The following NRG1 variants were observed in gnomAD, a reference collection of about 807,000 sequenced individuals.
The protein encoded by NRG1 is pro-neuregulin-1, membrane-bound isoform.
Under a neutral mutation model 63.8 loss-of-function variants are expected in NRG1, and 18 were observed. That is an observed-to-expected ratio of 0.28 (90% CI 0.19 to 0.42). NRG1 has a LOEUF of 0.42. NRG1 is among the 10% of genes least tolerant of loss of function. NRG1 has a pLI of 1.00. For missense variants in NRG1, 762 were observed against 814.7 expected, an observed-to-expected ratio of 0.94 and a Z score of 0.79; for synonymous variants, 302 against 301.3, an observed-to-expected ratio of 1.00 and a Z score of -0.02.
At chr8:32,466,807 A>G (rs145518770) in intron 1 of NRG1, among the ~76,000 whole-genome samples, 118 of 152,236 alleles carry the variant, frequency 7.8e-4, no homozygotes, top group African/African-American at 2.7e-3. Flanking sequence ...TTTAAATCAG[A>G]AGTATTTGAC....
At chr8:32,591,446 A>G (rs1217041579) in intron 1 of NRG1, among the ~76,000 whole-genome samples, 2 of 152,096 alleles carry the variant, frequency 1.3e-5, no homozygotes, top group Middle Eastern at 3.2e-3. Flanking sequence ...GCCTCATTGC[A>G]TTGTAGATCA....
chr8:32,444,875 ATCAGT>A, intron 1 of NRG1, among the ~76,000 whole-genome samples: 1 of 152,332 alleles, frequency 6.6e-6, no homozygotes, highest in South Asian at 2.1e-4. Flanking sequence ...ATGGGACTGA[ATCAGT>A]TCAAAGAGCC....
rs1563770237 is a variant in NRG1 at position 32,614,355 on chromosome 8, G to C, written c.401-159G>C. The stretch of plus-strand genomic sequence containing the variant: ...AACTATCAATTTGGACTGTCTTTCT[G>C]CATTTCTCACTCTCTGTATGGTTAA... On this transcript the variant is annotated intron_variant, in intron 3 of 11. Coordinates refer to ENST00000356819, the Ensembl canonical transcript of NRG1. 3 of 549,212 alleles carry C rather than the reference G, an allele frequency of 5.5e-6. 1 individual carries two copies. In the African/African-American group the frequency reaches 5.6e-5, roughly 10 times the overall value. 34.0% of individuals were successfully genotyped at this position (549,212 alleles called of 1,614,324 possible).
chr8:32,666,492 G>C (rs1032131419), intron 5 of NRG1, among the ~76,000 whole-genome samples: 2 of 152,058 alleles, frequency 1.3e-5, no homozygotes, highest in African/African-American at 4.8e-5. Context: ...TTTCAAGAGG[G>C]GGAAAAAAAA....
intron 1 of NRG1, among the ~76,000 whole-genome samples, chr8:32,183,425 C>A (rs895298071): frequency 3.3e-5 from 5 of 152,058 alleles, no homozygotes; most frequent in African/African-American, 1.2e-4. Flanking sequence ...TTTTTCTGTT[C>A]AAGTCTTACA....
chr8:32,605,459 G>C, intron 2 of NRG1, 103 bp from the exon 3 acceptor site: 1 of 1,302,776 alleles, frequency 7.7e-7, no homozygotes, highest in South Asian at 1.2e-5. Context: ...GTATAAGGTG[G>C]GGAGAGGCAG....
rs551009682 is a variant in NRG1, at chr8:31,988,804, C to T, written c.37+349373C>T. Among the ~76,000 whole-genome samples the T allele has an allele frequency of 4.6e-5, 7 of 152,150 alleles. No individual in the cohort carries two copies. In the South Asian group the frequency reaches 1.2e-3, roughly 27 times the overall value. On this transcript the variant is annotated intron_variant, in intron 1 of 10. Transcript: ENST00000519301. ...CTGAGGGAATAAGTTAGCCTGTATA[C>T]TTGAGGTGCCTTAGATCCTATGCTT...
chr8:31,995,983 G>A (rs1251978573), intron 1 of NRG1, among the ~76,000 whole-genome samples: 8 of 151,300 alleles, frequency 5.3e-5, no homozygotes, highest in African/African-American at 1.9e-4. Flanking sequence ...CATGAAAGAC[G>A]GATTTCTTTT....
Position 32,739,462 on chromosome 8 carries a change from A to G in NRG1, c.633-3213A>G, listed in dbSNP as rs555863277. Among the ~76,000 whole-genome samples the G allele has an allele frequency of 5.0e-4, 76 of 152,298 alleles. 1 individual carries two copies. Among genetic ancestry groups the G allele is most frequent in the Non-Finnish European group, 4.0e-4 (27 of 68,022 alleles). On this transcript the variant is annotated intron_variant, in intron 6 of 11. Transcript: ENST00000356819. ...TAGTTCTGGTTGAGAGGTAGCTGCTATTTCCAAAAAATGACTTTCATACCT... is the reference window on the plus strand; with the variant it reads ...TAGTTCTGGTTGAGAGGTAGCTGCTGTTTCCAAAAAATGACTTTCATACCT...
chr8:31,950,135 G>A (rs953537461), intron 1 of NRG1, among the ~76,000 whole-genome samples: 2 of 152,172 alleles, frequency 1.3e-5, no homozygotes, highest in African/African-American at 4.8e-5. Context: ...ATCACTAGGG[G>A]ACATGTAATA....
chr8:32,156,989 T>TAACA (rs1585709461), intron 1 of NRG1, among the ~76,000 whole-genome samples: 2 of 151,964 alleles, frequency 1.3e-5, no homozygotes, highest in East Asian at 3.9e-4. Context: ...AGATCAACGC[T>TAACA]AACATTGCCT....
chr8:32,461,524 C>T (rs930296348), intron 1 of NRG1, among the ~76,000 whole-genome samples: 1 of 152,170 alleles, frequency 6.6e-6, no homozygotes, highest in African/African-American at 2.4e-5. Flanking sequence ...CATGGAGAAA[C>T]CCCATCTCTA....
chr8:32,571,904 A>T (rs1319799475), intron 1 of NRG1, among the ~76,000 whole-genome samples: 1 of 148,446 alleles, frequency 6.7e-6, no homozygotes, highest in African/African-American at 2.4e-5. Context: ...ATATACACAC[A>T]TGGCCATAAA....
chr8:32,608,009 T>C (rs988431375), intron 3 of NRG1, among the ~76,000 whole-genome samples: 32 of 148,510 alleles, frequency 2.2e-4, no homozygotes, highest in African/African-American at 7.4e-4. Flanking sequence ...TAAAAAAGAA[T>C]AAAAGACAGC....
rs2130871736 is a variant in NRG1 at position 32,057,050 on chromosome 8, A to G, written c.37+417619A>G. ...TTAACTAGGGATATGCAATCACCAA[A>G]TACAGTTTCTGGGACACCTTCAAAG... On this transcript the variant is annotated intron_variant, in intron 1 of 10. Transcript: ENST00000519301. Among the ~76,000 whole-genome samples the G allele has an allele frequency of 2.6e-5, 4 of 152,298 alleles. No homozygotes were observed. In the South Asian group the frequency reaches 8.3e-4, roughly 32 times the overall value.
chr8:32,190,323 C>T (rs1208705587), intron 1 of NRG1, among the ~76,000 whole-genome samples: 1 of 152,018 alleles, frequency 6.6e-6, no homozygotes, highest in Non-Finnish European at 1.5e-5. Flanking sequence ...ATGATCTTGA[C>T]AGCCTCTGTA....
intron 5 of NRG1, among the ~76,000 whole-genome samples, chr8:32,672,418 A>G (rs991980370): frequency 6.6e-6 from 1 of 152,158 alleles, no homozygotes; most frequent in Non-Finnish European, 1.5e-5. Context: ...CCTACTCGGT[A>G]TTCTTTCATT....
At chr8:32,551,910 CTT>C (rs34051371) in intron 1 of NRG1, among the ~76,000 whole-genome samples, 31,311 of 111,556 alleles carry the variant, frequency 0.28, 3,553 homozygotes, top group Non-Finnish European at 0.33. Flanking sequence ...AAAACCAGAG[CTT>C]TTTTTTTTTT....
At chr8:32,258,986 TC>T (rs932256725) in intron 1 of NRG1, among the ~76,000 whole-genome samples, 55 of 152,306 alleles carry the variant, frequency 3.6e-4, no homozygotes, top group African/African-American at 1.3e-3. Context: ...GAAATGGAAG[TC>T]AGCACACCAG....
Sources: allele counts gnomAD v4.1 joint callset (sites outside exome capture counted in the v4.1 genomes callset), GRCh38; gene constraint gnomAD v4.1.1; transcripts MANE v1.5; gene names NCBI Gene and HGNC (gene_info 2026-07-23, HGNC 2026-07-21).